OSBPL6: variants seen among roughly 807,000 people sequenced by gnomAD.
OSBPL6 encodes the protein oxysterol-binding protein-related protein 6.
In OSBPL6, 49 loss-of-function variants were observed where a neutral mutation model predicts 125.8. The observed-to-expected ratio is 0.39, with a 90% CI of 0.31 to 0.49. The LOEUF (loss-of-function observed/expected upper bound fraction) is 0.49. OSBPL6 is among the 20% of genes least tolerant of loss of function. The pLI is 0.88. For synonymous variants in OSBPL6, 394 were observed against 391.8 expected (o/e 1.01, Z -0.07); for missense variants, 986 against 1,135.4 (o/e 0.87, Z 1.89).
At chr2:178,259,258 G>T (rs1270792688) in intron 1 of OSBPL6, among the ~76,000 whole-genome samples, 1 of 152,172 alleles carries the variant, frequency 6.6e-6, no homozygotes, top group African/African-American at 2.4e-5. Flanking sequence ...TCTGGAAAAT[G>T]AGTGACAGAA....
At chr2:178,200,278 GTC>G (rs2089175342) in intron 1 of OSBPL6, among the ~76,000 whole-genome samples, 1 of 132,866 alleles carries the variant, frequency 7.5e-6, no homozygotes, top group Admixed American at 7.9e-5. Flanking sequence ...TTGAGATGGA[GTC>G]TCTCTCTGTC....
intron 1 of OSBPL6, among the ~76,000 whole-genome samples, chr2:178,265,638 C>T (rs1486055266): frequency 6.6e-6 from 1 of 152,084 alleles, no homozygotes; most frequent in African/African-American, 2.4e-5. Context: ...TTTATCACAG[C>T]TCTTGGAAGC....
chr2:178,330,226 A>G (rs1205316656), intron 5 of OSBPL6, among the ~76,000 whole-genome samples: 1 of 152,196 alleles, frequency 6.6e-6, no homozygotes, highest in African/African-American at 2.4e-5. Flanking sequence ...TGGAAACCAC[A>G]GGAAAAAACC....
intron 1 of OSBPL6, among the ~76,000 whole-genome samples, chr2:178,219,013 C>G (rs932110570): frequency 6.6e-6 from 1 of 152,084 alleles, no homozygotes; most frequent in African/African-American, 2.4e-5. Context: ...ACTCCTGACT[C>G]TTCTGTCTTT....
At chr2:178,196,038 T>C (rs1359912065) in intron 1 of OSBPL6, among the ~76,000 whole-genome samples, 3 of 152,000 alleles carry the variant, frequency 2.0e-5, no homozygotes, top group Non-Finnish European at 4.4e-5. Flanking sequence ...TGGAAACATT[T>C]CTACAGTTTT....
At chr2:178,243,737 T>G (rs2091384022) in intron 1 of OSBPL6, among the ~76,000 whole-genome samples, 1 of 152,192 alleles carries the variant, frequency 6.6e-6, no homozygotes, top group Non-Finnish European at 1.5e-5. Context: ...CACTGCAATC[T>G]CCGCCTCCAG....
chr2:178,363,792 T>A (rs935062310), intron 13 of OSBPL6, among the ~76,000 whole-genome samples: 4 of 152,268 alleles, frequency 2.6e-5, no homozygotes, highest in Admixed American at 2.6e-4. Flanking sequence ...TTGGATTTTT[T>A]ATTTTTATTT....
chr2:178,329,417 AT>A (rs199952604), intron 5 of OSBPL6, among the ~76,000 whole-genome samples: 31,135 of 139,202 alleles, frequency 0.22, 3,155 homozygotes, highest in Admixed American at 0.32. Flanking sequence ...TTATTTACTT[AT>A]TTTTTTTTTT....
At chr2:178,337,825 G>A (rs921971142) in intron 9 of OSBPL6, among the ~76,000 whole-genome samples, 1 of 152,030 alleles carries the variant, frequency 6.6e-6, no homozygotes, top group Non-Finnish European at 1.5e-5. Context: ...TGCTTATATA[G>A]CACCATTTAT....
chr2:178,267,169 C>CTATATATTATTATATATTATATATT (rs2092256756), intron 1 of OSBPL6, among the ~76,000 whole-genome samples: 1 of 152,036 alleles, frequency 6.6e-6, no homozygotes, highest in East Asian at 1.9e-4. Context: ...GCCTAGCCAA[C>CTATATATTATTATATATTATATATT]ATGGGGAAAC....
At chr2:178,268,881 TC>T (rs1435537328) in intron 1 of OSBPL6, among the ~76,000 whole-genome samples, 1 of 152,160 alleles carries the variant, frequency 6.6e-6, no homozygotes, top group Non-Finnish European at 1.5e-5. Context: ...GCCCATTTTT[TC>T]CTCCTTCCTG....
intron 11 of OSBPL6, among the ~76,000 whole-genome samples, chr2:178,341,333 CTTTTT>C (rs60436384): frequency 2.6e-5 from 3 of 117,406 alleles, no homozygotes; most frequent in Admixed American, 8.7e-5. Flanking sequence ...CCAAATCATT[CTTTTT>C]TTTTTTTTTT....
At chr2:178,352,860 G>A (rs62176082) in intron 12 of OSBPL6, among the ~76,000 whole-genome samples, 8,639 of 152,144 alleles carry the variant, frequency 0.057, 376 homozygotes, top group Non-Finnish European at 0.086. Flanking sequence ...ACATCATATA[G>A]GTGGGTGCCT....
chr2:178,253,931 G>A (rs1306060927), intron 1 of OSBPL6, among the ~76,000 whole-genome samples: 1 of 152,154 alleles, frequency 6.6e-6, no homozygotes, highest in African/African-American at 2.4e-5. Context: ...CATGGCAATA[G>A]GACTGATGGC....
intron 13 of OSBPL6, among the ~76,000 whole-genome samples, chr2:178,369,605 CATCT>C (rs1693188852): frequency 6.6e-6 from 1 of 152,102 alleles, no homozygotes; most frequent in Non-Finnish European, 1.5e-5. Flanking sequence ...TTTCACATCA[CATCT>C]AAGAAAAAGA....
intron 23 of OSBPL6, 34 bp downstream of exon 23, chr2:178,392,572 ATGGCTGGG>A (rs1410876982): frequency 2.5e-6 from 4 of 1,609,534 alleles, no homozygotes; most frequent in Non-Finnish European, 3.4e-6. Context: ...TATGCAGACT[ATGGCTGGG>A]TGCAGTAGCT....
chr2:178,304,208 C>T (rs1214247606), intron 2 of OSBPL6, among the ~76,000 whole-genome samples: 2 of 152,134 alleles, frequency 1.3e-5, no homozygotes, highest in Non-Finnish European at 1.5e-5. Flanking sequence ...AGAGAGAACC[C>T]ACTCCCACAA....
At chr2:178,310,228 C>T (rs1257389430) in intron 3 of OSBPL6, among the ~76,000 whole-genome samples, 1 of 152,140 alleles carries the variant, frequency 6.6e-6, no homozygotes, top group Non-Finnish European at 1.5e-5. Context: ...CAGCTACAGT[C>T]TTCACCTGCC....
chr2:178,308,245 T>C (rs1686958851), intron 3 of OSBPL6, among the ~76,000 whole-genome samples: 1 of 152,218 alleles, frequency 6.6e-6, no homozygotes, highest in Non-Finnish European at 1.5e-5. Context: ...TGTTTTTCCT[T>C]CCTTATCTCA....
Sources: gnomAD v4.1 joint callset for allele counts (sites outside exome capture counted in the v4.1 genomes callset) on GRCh38, gnomAD v4.1.1 for gene constraint, MANE v1.5 for transcripts, NCBI Gene and HGNC (gene_info 2026-07-23, HGNC 2026-07-21) for gene names.